FSTL5: variants seen among roughly 807,000 people sequenced by gnomAD.
The protein encoded by FSTL5 is follistatin-related protein 5.
FSTL5 carries 62 observed loss-of-function variants against 89.1 expected under a neutral mutation model. That is an observed-to-expected ratio of 0.70 (90% CI 0.57 to 0.86). FSTL5 has a LOEUF of 0.86. Ranked by LOEUF, FSTL5 falls within the 40% of genes least tolerant of loss-of-function variation. The probability of loss-of-function intolerance (pLI) is 0.00; values close to 1 mark genes in which losing one functional copy is unlikely to be tolerated. For missense variants in FSTL5, 1,057 were observed against 1,001.6 expected, an observed-to-expected ratio of 1.06 and a Z score of -0.75; for synonymous variants, 383 against 346.2, an observed-to-expected ratio of 1.11 and a Z score of -1.18.
intron 1 of FSTL5, among the ~76,000 whole-genome samples, chr4:162,127,792 G>A (rs75348479): frequency 0.14 from 20,844 of 152,032 alleles, 1,946 homozygotes; most frequent in Non-Finnish European, 0.19. Flanking sequence ...TATAAACAAG[G>A]GTTGACATGT....
chr4:161,579,610 G>T (rs1331505658), intron 8 of FSTL5, among the ~76,000 whole-genome samples: 1 of 151,960 alleles, frequency 6.6e-6, no homozygotes, highest in Non-Finnish European at 1.5e-5. Context: ...GCAGCTACTT[G>T]GGAGGCTGAA....
At chr4:161,908,284 T>A (rs187136551) in intron 4 of FSTL5, among the ~76,000 whole-genome samples, 1 of 152,024 alleles carries the variant, frequency 6.6e-6, no homozygotes, top group Admixed American at 6.6e-5. Flanking sequence ...CAATACATGA[T>A]TATCATGTAT....
chr4:161,635,455 T>C (rs1372223644), intron 7 of FSTL5, among the ~76,000 whole-genome samples: 2 of 150,514 alleles, frequency 1.3e-5, no homozygotes, highest in African/African-American at 2.5e-5. Context: ...AAAATTAGCT[T>C]CGTTTTTGAT....
intron 4 of FSTL5, among the ~76,000 whole-genome samples, chr4:161,906,337 C>A (rs1352298871): frequency 6.6e-6 from 1 of 152,074 alleles, no homozygotes; most frequent in African/African-American, 2.4e-5. Context: ...AGATTCAGGG[C>A]AAGTAGTTTG....
At chr4:162,073,709 T>A (rs1012274312) in intron 2 of FSTL5, among the ~76,000 whole-genome samples, 1 of 151,752 alleles carries the variant, frequency 6.6e-6, no homozygotes, top group Non-Finnish European at 1.5e-5. Context: ...GGTAGGGAAA[T>A]TAATAGTTCT....
chr4:161,980,283 AAGAAAG>A (rs1360526680), intron 3 of FSTL5, among the ~76,000 whole-genome samples: 3 of 150,720 alleles, frequency 2.0e-5, no homozygotes, highest in Non-Finnish European at 4.4e-5. Flanking sequence ...GAAAGAAAGA[AAGAAAG>A]AGAAAGAAAG....
intron 6 of FSTL5, among the ~76,000 whole-genome samples, chr4:161,708,939 G>A (rs1738681641): frequency 6.6e-6 from 1 of 152,072 alleles, no homozygotes; most frequent in African/African-American, 2.4e-5. Flanking sequence ...TCACTAATTT[G>A]ATACTTTTCT....
chr4:161,391,333 A>G (rs13122123), intron 15 of FSTL5, among the ~76,000 whole-genome samples: 2 of 152,302 alleles, frequency 1.3e-5, no homozygotes, highest in East Asian at 3.9e-4. Context: ...TAGCTTTTCT[A>G]ATTGGATTAT....
chr4:161,560,263 G>A (rs1379686802), intron 8 of FSTL5, among the ~76,000 whole-genome samples: 2 of 151,806 alleles, frequency 1.3e-5, no homozygotes, highest in Admixed American at 6.6e-5. Context: ...CCTGTATAGC[G>A]CACTTACCAC....
intron 15 of FSTL5, among the ~76,000 whole-genome samples, chr4:161,452,494 T>C (rs1053228774): frequency 5.3e-5 from 8 of 151,678 alleles, no homozygotes; most frequent in African/African-American, 1.9e-4. Flanking sequence ...AAAAGAAATA[T>C]ACTATATGAA....
At chr4:161,498,683 A>T (rs935274155) in intron 12 of FSTL5, among the ~76,000 whole-genome samples, 2 of 152,314 alleles carry the variant, frequency 1.3e-5, no homozygotes, top group Middle Eastern at 3.4e-3. Flanking sequence ...TTTTGCTCTG[A>T]TTTAAATAAT....
intron 2 of FSTL5, among the ~76,000 whole-genome samples, chr4:162,100,895 C>T (rs573639461): frequency 3.9e-5 from 6 of 152,292 alleles, no homozygotes; most frequent in African/African-American, 1.2e-4. Context: ...AGAAAGCAAA[C>T]CACACTGCTG....
intron 3 of FSTL5, among the ~76,000 whole-genome samples, chr4:161,987,911 C>T (rs1471204323): frequency 6.6e-6 from 1 of 151,626 alleles, no homozygotes; most frequent in Non-Finnish European, 1.5e-5. Flanking sequence ...TAGGTTTTAT[C>T]TTAGTCCAAC....
chr4:161,932,984 A>G (rs1002844752), intron 3 of FSTL5, among the ~76,000 whole-genome samples: 2 of 152,168 alleles, frequency 1.3e-5, no homozygotes, highest in African/African-American at 4.8e-5. Flanking sequence ...AATACAATAC[A>G]TCAAGAAATT....
At chr4:161,627,526 T>C (rs1008929727) in intron 7 of FSTL5, among the ~76,000 whole-genome samples, 27 of 152,222 alleles carry the variant, frequency 1.8e-4, no homozygotes, top group African/African-American at 6.5e-4. Context: ...TGATGGTCTA[T>C]AACCAAACCT....
chr4:162,116,011 GAA>G lies in FSTL5; in HGVS notation c.-16-4601_-16-4600del, dbSNP rs1255223663. On this transcript the variant is annotated intron_variant, in intron 1 of 15. Transcript: ENST00000306100. Reference sequence around the variant, plus strand: ...AAAGTGTCGTAGCATGCCTTTGAATGAAAAGAGTGTCGAGATGAAGCAAAATC... The same window carrying G: ...AAAGTGTCGTAGCATGCCTTTGAATGAAGAGTGTCGAGATGAAGCAAAATC... 5.9e-5 allele frequency among the ~76,000 whole-genome samples: 9 copies of G among 152,080 alleles called. No individual in the cohort carries two copies. In the East Asian group the frequency reaches 9.9e-4, roughly 17 times the overall value.
rs551888333 is a variant in FSTL5 at position 161,741,845 on chromosome 4, G to A, written c.727+17566C>T. On this transcript the variant is annotated intron_variant, in intron 6 of 15. Transcript: ENST00000306100. ...TGGGACTACAGGCACACACTGCCAC[G>A]CCAGGCTAATTTTTTGTATTTTAGT... Among the ~76,000 whole-genome samples the A allele has an allele frequency of 3.5e-3, 539 of 151,868 alleles. 2 individuals are homozygous for A. The highest frequency in any genetic ancestry group is 6.4e-3 in the Non-Finnish European group (438 of 67,934).
At chr4:161,656,026 T>A (rs904001784) in intron 7 of FSTL5, among the ~76,000 whole-genome samples, 2 of 152,152 alleles carry the variant, frequency 1.3e-5, no homozygotes, top group East Asian at 3.8e-4. Flanking sequence ...ACATGTGGAT[T>A]TATACAATAA....
intron 15 of FSTL5, among the ~76,000 whole-genome samples, chr4:161,390,084 C>A (rs965756399): frequency 1.3e-5 from 2 of 152,006 alleles, no homozygotes; most frequent in African/African-American, 4.8e-5. Flanking sequence ...GGTTTATCAC[C>A]AAATATCTCA....
Sources: gnomAD v4.1 joint callset for allele counts (sites outside exome capture counted in the v4.1 genomes callset) on GRCh38, gnomAD v4.1.1 for gene constraint, MANE v1.5 for transcripts, NCBI Gene and HGNC (gene_info 2026-07-23, HGNC 2026-07-21) for gene names.